ERC1: variants seen among roughly 807,000 people sequenced by gnomAD.
The protein encoded by ERC1 is ELKS/RAB6-interacting/CAST family member 1.
A neutral mutation model predicts 132.0 loss-of-function variants in ERC1; 56 were observed. That is an observed-to-expected ratio of 0.42 (90% CI 0.34 to 0.53). The LOEUF is 0.53. ERC1 is among the 20% of genes least tolerant of loss of function. ERC1 has a pLI of 0.03. For missense variants in ERC1, 1,202 were observed against 1,349.9 expected, an observed-to-expected ratio of 0.89 and a Z score of 1.72; for synonymous variants, 478 against 476.1, an observed-to-expected ratio of 1.00 and a Z score of -0.05.
intron 16 of ERC1, among the ~76,000 whole-genome samples, chr12:1,378,574 A>G (rs745689688): frequency 3.3e-5 from 5 of 152,214 alleles, no homozygotes. Flanking sequence ...CTTGTTGCCA[A>G]TAAGAATAAT....
chr12:1,361,003 G>A (rs1174599330), intron 15 of ERC1, among the ~76,000 whole-genome samples: 2 of 151,214 alleles, frequency 1.3e-5, no homozygotes, highest in African/African-American at 2.4e-5. Flanking sequence ...GCTGATGTGG[G>A]AGAATCACCA....
At chr12:991,165 C>CGGCGGGGCTGGG (rs1337118103), upstream of ERC1, 13 of 139,842 alleles carry the variant, frequency 9.3e-5, no homozygotes, top group South Asian at 3.8e-4. Flanking sequence ...CTGCGCCCCG[C>CGGCGGGGCTGGG]GGCGGGGCTG....
chr12:994,317 ATTTG>A (rs1960342437), intron 1 of ERC1, among the ~76,000 whole-genome samples: 1 of 152,106 alleles, frequency 6.6e-6, no homozygotes, highest in Non-Finnish European at 1.5e-5. Flanking sequence ...GTGGAATATA[ATTTG>A]TTTTTTTTTC....
At chr12:1,450,136 T>A (rs2093393496) in intron 18 of ERC1, among the ~76,000 whole-genome samples, 1 of 152,226 alleles carries the variant, frequency 6.6e-6, no homozygotes, top group African/African-American at 2.4e-5. Context: ...TGTTTTTGCT[T>A]TAAATCAGTT....
chr12:1,249,145 G>A (rs79553944), intron 13 of ERC1, among the ~76,000 whole-genome samples: 3,524 of 152,170 alleles, frequency 0.023, 57 homozygotes, highest in East Asian at 0.075. Context: ...TTCTGCCTTA[G>A]CCTCCAAAAT....
chr12:1,358,319 G>A (rs2085739833), intron 15 of ERC1, among the ~76,000 whole-genome samples: 2 of 149,966 alleles, frequency 1.3e-5, no homozygotes, highest in African/African-American at 4.9e-5. Flanking sequence ...GTCCAATAAT[G>A]ATCAACATTA....
chr12:1,432,312 T>C (rs541910612), intron 17 of ERC1, among the ~76,000 whole-genome samples: 1 of 152,364 alleles, frequency 6.6e-6, no homozygotes, highest in Admixed American at 6.5e-5. Context: ...TAAAACCATT[T>C]TTAGCTGATG....
chr12:1,402,158 C>T (rs1244092757), intron 16 of ERC1, among the ~76,000 whole-genome samples: 3 of 152,158 alleles, frequency 2.0e-5, no homozygotes, highest in Admixed American at 6.5e-5. Flanking sequence ...CAGGGAAAAA[C>T]ACTTTATATC....
chr12:1,167,861 C>T (rs534702892), intron 8 of ERC1, among the ~76,000 whole-genome samples: 53 of 151,972 alleles, frequency 3.5e-4, no homozygotes, highest in Non-Finnish European at 6.3e-4. Flanking sequence ...GGACTACAGG[C>T]GCGCGCCACC....
Position 1,001,853 on chromosome 12 carries a change from C to CTTT in ERC1, c.-157+10551_-157+10553dup, listed in dbSNP as rs869097939. On this transcript the variant is annotated intron_variant, in intron 1 of 18. Coordinates refer to ENST00000360905, the MANE Select transcript of ERC1 (RefSeq NM_178040.4). Reference sequence around the variant, plus strand: ...GCCACTATGACTATTCTTGTAAAGTCTTTTTTTTTTTTTTTTTTTTTTCCT... The same window carrying CTTT: ...GCCACTATGACTATTCTTGTAAAGTCTTTTTTTTTTTTTTTTTTTTTTTTTCCT... Among the ~76,000 whole-genome samples, 261 of 109,020 alleles carry CTTT rather than the reference C, an allele frequency of 2.4e-3. 3 individuals are homozygous for CTTT. Among genetic ancestry groups the CTTT allele is most frequent in the African/African-American group, 4.0e-3 (103 of 25,842 alleles). The allele number at this position is 109,020 out of a possible 152,430, so 71.5% of individuals were successfully genotyped here.
intron 12 of ERC1, chr12:1,204,243 T>C (rs906682296): frequency 2.8e-6 from 1 of 360,806 alleles, no homozygotes. Context: ...CAGGAAATGG[T>C]AAATTTTAGA....
chr12:1,070,127 G>C (rs771759489), intron 2 of ERC1, among the ~76,000 whole-genome samples: 71 of 152,210 alleles, frequency 4.7e-4, no homozygotes, highest in Non-Finnish European at 9.0e-4. Context: ...TTGTATGTTT[G>C]AATGTGTCTT....
chr12:1,012,656 A>G (rs1964889193), intron 1 of ERC1, among the ~76,000 whole-genome samples: 1 of 151,880 alleles, frequency 6.6e-6, no homozygotes, highest in Non-Finnish European at 1.5e-5. Context: ...GGGTTTCACC[A>G]TGTTGGCAAG....
Position 1,491,969 on chromosome 12 carries a change from T to A in ERC1, c.*1739T>A, listed in dbSNP as rs977395599. The A allele has an allele frequency of 3.0e-5, 7 of 232,656 alleles. No homozygotes were observed. The highest frequency in any genetic ancestry group is 5.6e-5 in the Admixed American group (1 of 17,766). The allele number at this position is 232,656 out of a possible 1,614,324, so 14.4% of individuals were successfully genotyped here. ...TTTGTTTTGCATTTTCTCCTCTCCT[T>A]CCCCACTTACTCAGAGAATTTAAAG... is the stretch of plus-strand genomic sequence containing the variant. On this transcript the variant is annotated 3_prime_UTR_variant, in exon 19 of 19. Coordinates refer to ENST00000360905, the MANE Select transcript of ERC1 (RefSeq NM_178040.4).
intron 12 of ERC1, among the ~76,000 whole-genome samples, chr12:1,231,670 A>G (rs1327299283): frequency 7.2e-6 from 1 of 139,174 alleles, no homozygotes; most frequent in Non-Finnish European, 1.6e-5. Flanking sequence ...CTGAAGAACA[A>G]CTTTTTTTTT....
chr12:1,143,604 T>C (rs1218556236), intron 8 of ERC1, among the ~76,000 whole-genome samples: 2 of 151,606 alleles, frequency 1.3e-5, no homozygotes, highest in Non-Finnish European at 2.9e-5. Context: ...TTTTCTTGGC[T>C]ATTTTTCCAT....
chr12:1,416,901 C>A (rs2092145749), intron 17 of ERC1, among the ~76,000 whole-genome samples: 1 of 152,210 alleles, frequency 6.6e-6, no homozygotes, highest in African/African-American at 2.4e-5. Context: ...CCTGAAGGCA[C>A]AAGCTGACCA....
intron 1 of ERC1, among the ~76,000 whole-genome samples, chr12:1,000,749 A>C (rs537128823): frequency 1.1e-4 from 17 of 152,248 alleles, no homozygotes; most frequent in Non-Finnish European, 1.8e-4. Context: ...TGACAGAGCA[A>C]GATTCTGTCT....
At chr12:1,436,050 G>A (rs2092937826) in intron 17 of ERC1, among the ~76,000 whole-genome samples, 1 of 152,084 alleles carries the variant, frequency 6.6e-6, no homozygotes, top group African/African-American at 2.4e-5. Flanking sequence ...ACTTATATCT[G>A]CATAGTCTGT....
Sources: gnomAD v4.1 joint callset for allele counts (sites outside exome capture counted in the v4.1 genomes callset) on GRCh38, gnomAD v4.1.1 for gene constraint, MANE v1.5 for transcripts, NCBI Gene and HGNC (gene_info 2026-07-23, HGNC 2026-07-21) for gene names.